Variants in UGT1A5 observed in about 807,000 individuals in gnomAD.
The protein encoded by UGT1A5 is UDP-glucuronosyltransferase 1A5.
UGT1A5 carries 29 observed loss-of-function variants against 40.3 expected under a neutral mutation model. The observed-to-expected ratio is 0.72, with a 90% CI of 0.54 to 0.98. The LOEUF (loss-of-function observed/expected upper bound fraction) is 0.98, where lower values mean the gene tolerates loss of function less well. Among genes scored for constraint, UGT1A5 ranks in the 50% least tolerant of loss-of-function variants. The pLI is 0.00. For missense variants in UGT1A5, 678 were observed against 677.9 expected (o/e 1.00, Z 0.00); for synonymous variants, 257 against 262.5 (o/e 0.98, Z 0.20).
intron 1 of UGT1A5, among the ~76,000 whole-genome samples, chr2:233,734,753 G>A (rs1356285127): frequency 1.3e-5 from 2 of 152,142 alleles, no homozygotes; most frequent in Non-Finnish European, 2.9e-5. Flanking sequence ...CTTTATTTCT[G>A]CCTTCACTTC....
intron 1 of UGT1A5, among the ~76,000 whole-genome samples, chr2:233,726,446 C>T (rs1475095997): frequency 6.6e-6 from 1 of 152,204 alleles, no homozygotes; most frequent in African/African-American, 2.4e-5. Context: ...ATTCTTTCCA[C>T]TGAATGTAAG....
Position 233,713,109 on chromosome 2 carries a change from C to T in UGT1A5, c.118C>T (p.His40Tyr). 6.2e-7 allele frequency: 1 copy of T among 1,614,208 alleles called. No homozygotes were observed. Among genetic ancestry groups the T allele is most frequent in the Admixed American group, 1.7e-5 (1 of 60,036 alleles). Residue 40 changes from histidine (H) to tyrosine (Y), a missense_variant, in exon 1 of 5, where the codon CAC (histidine) becomes TAC (tyrosine). His to Tyr is a moderately conservative substitution (Grantham distance 83). Coordinates refer to ENST00000373414, the MANE Select transcript of UGT1A5 (RefSeq NM_019078.2). ...KVLVVPTDGS[H>Y]WLSMREALRD... Reference sequence around the variant, plus strand: ...GCTGGTGGTGCCCACTGATGGCAGCCACTGGCTCAGCATGCGGGAGGCCTT... The same window carrying T: ...GCTGGTGGTGCCCACTGATGGCAGCTACTGGCTCAGCATGCGGGAGGCCTT...
intron 1 of UGT1A5, among the ~76,000 whole-genome samples, chr2:233,732,961 T>G (rs2078342665): frequency 6.6e-6 from 1 of 152,188 alleles, no homozygotes; most frequent in Non-Finnish European, 1.5e-5. Context: ...GTTCTTCCAT[T>G]TGTTTGTGTC....
chr2:233,729,548 T>G (rs1482576119), intron 1 of UGT1A5: 2 of 1,614,102 alleles, frequency 1.2e-6, no homozygotes, highest in African/African-American at 2.7e-5. Context: ...ATCAGGCACC[T>G]GAATGCTACT....
intron 1 of UGT1A5, chr2:233,742,007 T>G (rs1248075328): frequency 3.3e-5 from 5 of 151,958 alleles, no homozygotes; most frequent in Admixed American, 3.3e-4. Flanking sequence ...TACACTTGGC[T>G]TTCATCAACC....
At chr2:233,763,407 T>C (rs888338345) in intron 1 of UGT1A5, among the ~76,000 whole-genome samples, 1 of 152,240 alleles carries the variant, frequency 6.6e-6, no homozygotes, top group African/African-American at 2.4e-5. Flanking sequence ...GCACTGGTAT[T>C]TTTAATCCAG....
At chr2:233,728,480 C>T (rs1317741863) in intron 1 of UGT1A5, among the ~76,000 whole-genome samples, 1 of 152,156 alleles carries the variant, frequency 6.6e-6, no homozygotes, top group Non-Finnish European at 1.5e-5. Context: ...ATCTGATCAT[C>T]ACATCTTGAG....
At position 233,773,233 on chromosome 2, in the gene UGT1A5, G is replaced by A. The variant is rs1473113676; in HGVS notation, c.*674G>A. 1 of 152,016 alleles carries A rather than the reference G, an allele frequency of 6.6e-6. No homozygotes were observed. The highest frequency in any genetic ancestry group is 1.5e-5 in the Non-Finnish European group (1 of 67,958). The allele number at this position is 152,016 out of a possible 1,614,324, so 9.4% of individuals were successfully genotyped here. ...CCCAAAATACAGCTATGAAGTGCTGGGCAAGTTTACTTTTTTTCTGATGTT... is the reference window on the plus strand; with the variant it reads ...CCCAAAATACAGCTATGAAGTGCTGAGCAAGTTTACTTTTTTTCTGATGTT... On this transcript the variant is annotated 3_prime_UTR_variant, in exon 5 of 5. Transcript: ENST00000373414.
chr2:233,747,901 C>G (rs1437655661), intron 1 of UGT1A5: 1 of 1,613,426 alleles, frequency 6.2e-7, no homozygotes, highest in Non-Finnish European at 8.5e-7. Flanking sequence ...CTTTCTGCTC[C>G]TTATGCAAGC....
At chr2:233,763,669 C>T (rs902437322) in intron 1 of UGT1A5, among the ~76,000 whole-genome samples, 1 of 152,168 alleles carries the variant, frequency 6.6e-6, no homozygotes, top group Non-Finnish European at 1.5e-5. Context: ...AACTCCTGAA[C>T]TTTAAGAATA....
Position 233,761,237 on chromosome 2 carries a change from G to A in UGT1A5, c.868-5797G>A, listed in dbSNP as rs1002651373. 1.9e-6 allele frequency: 3 copies of A among 1,612,296 alleles called. No homozygotes were observed. The African/African-American group carries it at 4.0e-5, about 22-fold the overall frequency. Reference sequence around the variant, plus strand: ...GATTAACTAGCCCCAGATATATGCTGAGCAAGCATTCTGAGATAATTTAAA... The same window carrying A: ...GATTAACTAGCCCCAGATATATGCTAAGCAAGCATTCTGAGATAATTTAAA... On this transcript the variant is annotated intron_variant, in intron 1 of 4. Coordinates refer to ENST00000373414, the MANE Select transcript of UGT1A5 (RefSeq NM_019078.2).
At position 233,772,539 on chromosome 2, in the gene UGT1A5, C is replaced by T; in HGVS notation, c.1585C>T (p.His529Tyr). 1.9e-6 allele frequency: 3 copies of T among 1,614,040 alleles called. No homozygotes were observed. The East Asian group carries it at 6.7e-5, about 36-fold the overall frequency. The change falls in exon 5 of 5, where the codon CAC becomes TAC. Residue 529 changes from histidine to tyrosine, a missense_variant. His to Tyr is a moderately conservative substitution (Grantham distance 83). Transcript: ENST00000373414. Reference protein sequence around the residue: ...LGKKGRVKKAHKSKTH With the variant: ...LGKKGRVKKAYKSKTH ...GAAAAAAGGGCGAGTTAAGAAAGCC[C>T]ACAAATCCAAGACCCATTGAGAAGT...
chr2:233,724,160 G>A (rs2077179945), intron 1 of UGT1A5, among the ~76,000 whole-genome samples: 4 of 120,854 alleles, frequency 3.3e-5, no homozygotes, highest in Admixed American at 7.7e-5. Context: ...GGGTGGGGGG[G>A]CTGACCCCCC....
chr2:233,740,991 G>A (rs1484591250), intron 1 of UGT1A5: 3 of 151,764 alleles, frequency 2.0e-5, no homozygotes, highest in African/African-American at 7.3e-5. Flanking sequence ...GAATGCTGAG[G>A]AGGAAGGATC....
chr2:233,734,461 C>T (rs1187494686), intron 1 of UGT1A5, among the ~76,000 whole-genome samples: 1 of 145,226 alleles, frequency 6.9e-6, no homozygotes, highest in African/African-American at 2.7e-5. Flanking sequence ...TTTCAAAATC[C>T]ATCTCCTGGA....
intron 1 of UGT1A5, chr2:233,743,818 G>T: frequency 1.5e-6 from 2 of 1,367,270 alleles, no homozygotes; most frequent in Non-Finnish European, 2.0e-6. Context: ...CAGGGTTTTT[G>T]TCGGGGTGCC....
chr2:233,754,899 C>A, intron 1 of UGT1A5: 2 of 1,352,028 alleles, frequency 1.5e-6, no homozygotes, highest in Non-Finnish European at 2.0e-6. Flanking sequence ...CCTCTGACCC[C>A]CCAAAATATT....
Position 233,712,998 on chromosome 2 carries a change from A to G in UGT1A5, c.7A>G (p.Thr3Ala). 1 of 1,613,488 alleles carries G rather than the reference A, an allele frequency of 6.2e-7. No individual in the cohort carries two copies. Among genetic ancestry groups the G allele is most frequent in the Non-Finnish European group, 8.5e-7 (1 of 1,180,034 alleles). Reference protein sequence around the residue: MATGLQVPLPQLA... With the variant: MAAGLQVPLPQLA... Reference sequence around the variant, plus strand: ...GTCGGTGGCTTCTGCTGAGATGGCCACAGGACTCCAGGTTCCCCTGCCGCA... The same window carrying G: ...GTCGGTGGCTTCTGCTGAGATGGCCGCAGGACTCCAGGTTCCCCTGCCGCA... Residue 3 changes from threonine (T) to alanine (A), a missense_variant, in exon 1 of 5, where the codon ACA becomes GCA. Thr to Ala is a moderately conservative substitution (Grantham distance 58, BLOSUM62 0). Coordinates refer to ENST00000373414, the MANE Select transcript of UGT1A5 (RefSeq NM_019078.2).
intron 1 of UGT1A5, chr2:233,760,219 C>A: frequency 6.3e-7 from 1 of 1,593,340 alleles, no homozygotes; most frequent in Non-Finnish European, 8.5e-7. Context: ...CTTGGTGTAT[C>A]GATTGGTTTT....
Sources: allele counts gnomAD v4.1 joint callset (sites outside exome capture counted in the v4.1 genomes callset), GRCh38; gene constraint gnomAD v4.1.1; transcripts MANE v1.5; gene names NCBI Gene and HGNC (gene_info 2026-07-23, HGNC 2026-07-21).